SYTL4: variants seen among roughly 807,000 people sequenced by gnomAD.
The protein encoded by SYTL4 is synaptotagmin-like protein 4.
In SYTL4, 16 loss-of-function variants were observed where a neutral mutation model predicts 52.7. The ratio of observed to expected loss-of-function variants is 0.30; its 90% CI spans 0.21 to 0.46. The LOEUF (loss-of-function observed/expected upper bound fraction) is 0.46. Among genes scored for constraint, SYTL4 ranks in the 20% least tolerant of loss-of-function variants. The pLI, the probability that SYTL4 is intolerant of heterozygous loss-of-function variation, is 1.00. For synonymous variants in SYTL4, 160 were observed against 186.6 expected (o/e 0.86, Z 1.16); for missense variants, 423 against 519.9 (o/e 0.81, Z 1.81).
chrX:100,698,210 C>A (rs2083748507), intron 8 of SYTL4, among the ~76,000 whole-genome samples: 1 of 110,539 alleles, frequency 9.0e-6, no homozygotes, highest in Non-Finnish European at 1.9e-5. Context: ...TCACGCCATT[C>A]TCCTGCCTCA....
chrX:100,702,098 C>A lies in SYTL4; in HGVS notation c.-61G>T, dbSNP rs2083866507. ...CAAAACAACCAGACAAGGAGAGCTA[C>A]CAGAGTTGCCTGAAATGACAAAAGA... On this transcript the variant is annotated 5_prime_UTR_variant, in exon 5 of 20. Transcript: ENST00000372989. 1.2e-6 allele frequency: 1 copy of A among 846,899 alleles called. No individual in the cohort carries two copies. Among genetic ancestry groups the A allele is most frequent in the South Asian group, 2.3e-5 (1 of 42,562 alleles). 69.8% of individuals were successfully genotyped at this position (846,899 alleles called of 1,213,427 possible).
intron 2 of SYTL4, among the ~76,000 whole-genome samples, chrX:100,723,972 G>GTCA (rs1569419436): frequency 2.0e-5 from 2 of 99,516 alleles, no homozygotes; most frequent in African/African-American, 3.9e-5. Context: ...AGGTGGGGGG[G>GTCA]TCAGCCCCCC....
chrX:100,711,729 A>G (rs908237003), intron 2 of SYTL4, among the ~76,000 whole-genome samples: 4 of 111,435 alleles, frequency 3.6e-5, no homozygotes, highest in African/African-American at 1.3e-4. Context: ...TTTGGTGAAC[A>G]CTATAAACTC....
intron 2 of SYTL4, among the ~76,000 whole-genome samples, chrX:100,714,032 A>G (rs2084135733): frequency 9.0e-6 from 1 of 111,518 alleles, no homozygotes; most frequent in African/African-American, 3.3e-5. Context: ...ATAGATGTTC[A>G]ATATCTTAAT....
At chrX:100,690,317 A>C in intron 10 of SYTL4, 152 bp from the exon 11 acceptor site, 1 of 482,264 alleles carries the variant, frequency 2.1e-6, no homozygotes, top group East Asian at 3.7e-5. Context: ...GAAATAGTAC[A>C]AAACCTATTT....
chrX:100,706,024 A>T (rs1245739360), intron 2 of SYTL4, among the ~76,000 whole-genome samples: 1 of 110,510 alleles, frequency 9.0e-6, no homozygotes, highest in Non-Finnish European at 1.9e-5. Context: ...ATGGCTCAAC[A>T]TTTGAACCAC....
intron 2 of SYTL4, among the ~76,000 whole-genome samples, chrX:100,730,536 T>C: frequency 9.0e-6 from 1 of 111,171 alleles, no homozygotes; most frequent in South Asian, 3.9e-4. Flanking sequence ...CTGTATAGAG[T>C]TATTGTGAGG....
At chrX:100,681,841 C>A (rs2083380407) in intron 16 of SYTL4, among the ~76,000 whole-genome samples, 1 of 112,263 alleles carries the variant, frequency 8.9e-6, no homozygotes, top group African/African-American at 3.2e-5. Context: ...GGAAAGATAT[C>A]CAAGACATAG....
chrX:100,696,803 T>C (rs1352651183), intron 8 of SYTL4, among the ~76,000 whole-genome samples: 1 of 111,457 alleles, frequency 9.0e-6, no homozygotes, highest in Non-Finnish European at 1.9e-5. Flanking sequence ...CTGGAGGACT[T>C]ACTTTATACA....
intron 2 of SYTL4, among the ~76,000 whole-genome samples, chrX:100,709,870 T>C (rs1171226861): frequency 8.9e-6 from 1 of 111,986 alleles, no homozygotes; most frequent in Non-Finnish European, 1.9e-5. Context: ...TGTCTAGACG[T>C]CAGTTAAAGT....
At chrX:100,681,633 T>G (rs912581587) in intron 16 of SYTL4, among the ~76,000 whole-genome samples, 1 of 111,807 alleles carries the variant, frequency 8.9e-6, no homozygotes, top group Non-Finnish European at 1.9e-5. Context: ...TCAAGCAAGG[T>G]TGCCATACAA....
Position 100,725,997 on chromosome X carries a change from G to C in SYTL4, c.-240+5421C>G, listed in dbSNP as rs1440526358. Among the ~76,000 whole-genome samples, 7 of 110,533 alleles carry C rather than the reference G, an allele frequency of 6.3e-5. No individual in the cohort carries two copies. The Admixed American group carries it at 6.8e-4, about 11-fold the overall frequency. On this transcript the variant is annotated intron_variant, in intron 2 of 19. Coordinates refer to ENST00000372989, the MANE Select transcript of SYTL4 (RefSeq NM_001370165.1). ...ATTACTCAAGGTCAAGTTAGGTTTA[G>C]ATAGTCACAGATATGAATATGAAAG...
intron 8 of SYTL4, among the ~76,000 whole-genome samples, chrX:100,698,997 C>T (rs1201923315): frequency 8.9e-6 from 1 of 111,750 alleles, no homozygotes; most frequent in African/African-American, 3.3e-5. Flanking sequence ...CACAGCAAAG[C>T]GCCCACTGAT....
chrX:100,723,923 G>T (rs746347332), intron 2 of SYTL4, among the ~76,000 whole-genome samples: 13 of 105,259 alleles, frequency 1.2e-4, no homozygotes, highest in Admixed American at 1.2e-3. Context: ...GGAGGTGGGG[G>T]GTCAGCCCCC....
At chrX:100,686,656 A>G (rs2083478477) in intron 15 of SYTL4, 23 bp downstream of exon 15, 2 of 1,122,693 alleles carry the variant, frequency 1.8e-6, no homozygotes, top group Admixed American at 2.2e-5. Flanking sequence ...AAGTTCTCCT[A>G]CCCTTGAGGT....
Position 100,690,634 on chromosome X carries a change from C to T in SYTL4, c.646G>A (p.Asp216Asn), listed in dbSNP as rs1706680292. Residue 216 changes from aspartate (D) to asparagine (N), a missense_variant, in exon 10 of 20, where the codon GAC (aspartate) becomes AAC (asparagine). Physicochemically the swap from Asp to Asn is conservative, Grantham distance 23. Transcript: ENST00000372989. ...TADSDSTSRR[D>N]SLDKSGLFPE... ...AAGAGGCCAGATTTATCCAGAGAGT[C>T]TCTCCTGGAGGTAGATTCAGAAATT... is the stretch of plus-strand genomic sequence containing the variant. 1 of 1,193,940 alleles carries T rather than the reference C, an allele frequency of 8.4e-7. No homozygotes were observed. Among genetic ancestry groups the T allele is most frequent in the Non-Finnish European group, 1.1e-6 (1 of 881,065 alleles).
At chrX:100,685,296 C>T (rs1023187396) in intron 16 of SYTL4, 4 of 111,834 alleles carry the variant, frequency 3.6e-5, no homozygotes, top group Admixed American at 1.9e-4. Context: ...ACATTTAAAA[C>T]GCTAGTGTAA....
chrX:100,683,961 C>A (rs149486324), intron 16 of SYTL4, among the ~76,000 whole-genome samples: 6,121 of 111,246 alleles, frequency 0.055, 407 homozygotes, highest in African/African-American at 0.19. Flanking sequence ...AGTGACATTT[C>A]CAATATAATT....
At chrX:100,677,523 G>T (rs6616172) in intron 19 of SYTL4, among the ~76,000 whole-genome samples, 41,979 of 110,620 alleles carry the variant, frequency 0.38, 5,963 homozygotes, top group East Asian at 0.66. Flanking sequence ...TATATTAATA[G>T]ACAAGTGCAG....
Sources: gnomAD v4.1 joint callset for allele counts (sites outside exome capture counted in the v4.1 genomes callset) on GRCh38, gnomAD v4.1.1 for gene constraint, MANE v1.5 for transcripts, NCBI Gene and HGNC (gene_info 2026-07-23, HGNC 2026-07-21) for gene names.